Variants in SPTBN2 observed in about 807,000 individuals in gnomAD.
SPTBN2 encodes spectrin beta, non-erythrocytic 2, also known as spectrin beta chain, non-erythrocytic 2.
A neutral mutation model predicts 284.2 loss-of-function variants in SPTBN2; 107 were observed. The observed-to-expected ratio is 0.38, with a 90% confidence interval of 0.32 to 0.44. The LOEUF is 0.44. Among genes scored for constraint, SPTBN2 ranks in the 20% least tolerant of loss-of-function variants. SPTBN2 has a pLI of 1.00. For synonymous variants in SPTBN2, 1,289 were observed against 1,354.8 expected (o/e 0.95, Z 1.07); for missense variants, 2,569 against 3,287.1 (o/e 0.78, Z 5.34).
chr11:66,697,438 T>C (rs1291711141), intron 20 of SPTBN2, among the ~76,000 whole-genome samples: 1 of 152,156 alleles, frequency 6.6e-6, no homozygotes, highest in Non-Finnish European at 1.5e-5. Flanking sequence ...ACGCATGTGG[T>C]GGTCAGGACT....
intron 30 of SPTBN2, 69 bp downstream of exon 30, chr11:66,689,027 C>T (rs1940350085): frequency 3.3e-6 from 5 of 1,530,892 alleles, no homozygotes; most frequent in Admixed American, 1.9e-5. Context: ...GTCTCACCTA[C>T]TCTGGAACCC....
intron 19 of SPTBN2, 88 bp downstream of exon 19, chr11:66,698,904 G>A (rs1941087600): frequency 1.3e-6 from 2 of 1,598,686 alleles, no homozygotes; most frequent in Non-Finnish European, 1.7e-6. Context: ...GGGGCTCACA[G>A]TCTCCGGTAC....
Position 66,705,246 on chromosome 11 carries a change from A to G in SPTBN2, c.2030T>C (p.Leu677Pro). 2 of 1,570,948 alleles carry G rather than the reference A, an allele frequency of 1.3e-6. No individual in the cohort carries two copies. Among genetic ancestry groups the G allele is most frequent in the Non-Finnish European group, 1.7e-6 (2 of 1,164,418 alleles). Reference sequence around the variant, plus strand: ...GGCTGTGTGCTTGTTGAGCAGGCGGAGGGCACCGGTCAGGTCTCGGCCCGT... The same window carrying G: ...GGCTGTGTGCTTGTTGAGCAGGCGGGGGGCACCGGTCAGGTCTCGGCCCGT... Reference protein sequence around the residue: ...ADTGRDLTGALRLLNKHTALR... With the variant: ...ADTGRDLTGAPRLLNKHTALR... The change falls in exon 15 of 38, where the codon CTC becomes CCC. Residue 677 changes from leucine (L) to proline (P), a missense_variant. Leu to Pro is a moderately conservative substitution (Grantham distance 98). Transcript: ENST00000533211.
At chr11:66,742,261 T>C (rs1942900416) in intron 1 of SPTBN2, among the ~76,000 whole-genome samples, 1 of 152,204 alleles carries the variant, frequency 6.6e-6, no homozygotes, top group Admixed American at 6.5e-5. Flanking sequence ...CAGAGTGGAT[T>C]CTCACCATAT....
At chr11:66,720,774 C>T (rs1433395553) in intron 3 of SPTBN2, among the ~76,000 whole-genome samples, 3 of 152,008 alleles carry the variant, frequency 2.0e-5, no homozygotes, top group South Asian at 2.1e-4. Flanking sequence ...GTGGCAAGAG[C>T]GAGAGTGCCG....
intron 31 of SPTBN2, 77 bp downstream of exon 31, chr11:66,688,576 A>G (rs1590909525): frequency 1.3e-6 from 2 of 1,576,268 alleles, no homozygotes; most frequent in East Asian, 4.6e-5. Context: ...GAGAGAAGAC[A>G]TGTCTTCTCC....
intron 15 of SPTBN2, 44 bp downstream of exon 15, chr11:66,704,554 C>T (rs1302735871): frequency 6.4e-7 from 1 of 1,573,894 alleles, no homozygotes; most frequent in Admixed American, 1.8e-5. Context: ...CCCCCCCACC[C>T]CCACCTCCCA....
At position 66,684,628 on chromosome 11, in the gene SPTBN2, C is replaced by G. The variant is rs1939994002; in HGVS notation, c.*1243G>C. On this transcript the variant is annotated 3_prime_UTR_variant, in exon 38 of 38. Coordinates refer to ENST00000533211, the MANE Select transcript of SPTBN2 (RefSeq NM_006946.4). ...CCAGCTTGGCTGACAGAGTGAGACT[C>G]TGTCTCAAAAAAAAAAAAAAAAAAG... Among the ~76,000 whole-genome samples, 1 of 140,178 alleles carries G rather than the reference C, an allele frequency of 7.1e-6. No homozygotes were observed. Among genetic ancestry groups the G allele is most frequent in the African/African-American group, 2.7e-5 (1 of 36,850 alleles). 92.0% of individuals were successfully genotyped at this position (140,178 alleles called of 152,430 possible). A position where few individuals can be genotyped will look rare whatever the true frequency, so the allele number is the denominator to read the frequency against.
chr11:66,697,715 T>A (rs949811426), intron 20 of SPTBN2, among the ~76,000 whole-genome samples: 6 of 152,194 alleles, frequency 3.9e-5, no homozygotes, highest in East Asian at 1.9e-4. Flanking sequence ...GGGGCCACTC[T>A]CACAGCACTC....
At chr11:66,703,870 G>C (rs1345078313) in intron 15 of SPTBN2, among the ~76,000 whole-genome samples, 1 of 151,756 alleles carries the variant, frequency 6.6e-6, no homozygotes, top group African/African-American at 2.4e-5. Context: ...TAGTGTCTCT[G>C]TCTAAAAGGT....
intron 1 of SPTBN2, among the ~76,000 whole-genome samples, chr11:66,741,560 A>C (rs997274906): frequency 6.6e-6 from 1 of 152,194 alleles, no homozygotes; most frequent in Non-Finnish European, 1.5e-5. Flanking sequence ...ACCCAGTCTA[A>C]GGACTGGAAA....
At position 66,708,654 on chromosome 11, in the gene SPTBN2, G is replaced by T. The variant is rs1303347852; in HGVS notation, c.1191+248C>A. Reference sequence around the variant, plus strand: ...AGGTTTAACAAGCTGAGGAACTTGGGGCATAATTTCCTTATGTGACCTCGT... The same window carrying T: ...AGGTTTAACAAGCTGAGGAACTTGGTGCATAATTTCCTTATGTGACCTCGT... On this transcript the variant is annotated intron_variant, in intron 11 of 37. Coordinates refer to ENST00000533211, the MANE Select transcript of SPTBN2 (RefSeq NM_006946.4). This position sits in a 1 kb window ranked among gnomAD's most constrained non-coding sequence, Gnocchi z 4.4. Among the ~76,000 whole-genome samples, 1 of 152,190 alleles carries T rather than the reference G, an allele frequency of 6.6e-6. No homozygotes were observed. The highest frequency in any genetic ancestry group is 1.5e-5 in the Non-Finnish European group (1 of 68,044).
At chr11:66,690,443 G>T in intron 27 of SPTBN2, 160 bp from the exon 28 acceptor site, 1 of 1,010,892 alleles carries the variant, frequency 9.9e-7, no homozygotes, top group Non-Finnish European at 1.4e-6. Context: ...GAAGGCAGGG[G>T]CTGGCCACAC....
intron 25 of SPTBN2, 96 bp from the exon 26 acceptor site, chr11:66,692,836 A>G (rs1313315246): frequency 7.5e-6 from 12 of 1,596,210 alleles, no homozygotes; most frequent in Non-Finnish European, 1.0e-5. Context: ...GTCTCCCAAC[A>G]GCTCGCCCAC....
At position 66,708,209 on chromosome 11, in the gene SPTBN2, C is replaced by T. The variant is rs372390933; in HGVS notation, c.1282G>A (p.Ala428Thr). ...IRQEKLEQLA[A>T]RFDRKAAMRE... ...ATGGCAGCCTTGCGGTCGAAGCGGGCGGCCAGCTGCTCCAGCTTCTCCTGG... is the reference window on the plus strand; with the variant it reads ...ATGGCAGCCTTGCGGTCGAAGCGGGTGGCCAGCTGCTCCAGCTTCTCCTGG... The change falls in exon 12 of 38, where the codon GCC (alanine) becomes ACC (threonine). Residue 428 changes from alanine to threonine, a missense_variant. Ala to Thr is a moderately conservative substitution (Grantham distance 58, BLOSUM62 0). Coordinates refer to ENST00000533211, the MANE Select transcript of SPTBN2 (RefSeq NM_006946.4). This position sits in a 1 kb window ranked among gnomAD's most constrained non-coding sequence, Gnocchi z 4.4. 11 of 1,611,920 alleles carry T rather than the reference C, an allele frequency of 6.8e-6. No individual in the cohort carries two copies. The highest frequency in any genetic ancestry group is 2.2e-5 in the East Asian group (1 of 44,856).
In SPTBN2 at chr11:66,710,603, C is replaced by T. The variant is rs541484241; in HGVS notation, c.1052G>A (p.Arg351His). The change falls in exon 10 of 38, where the codon CGC becomes CAC. Residue 351 changes from arginine (R) to histidine (H), a missense_variant. Physicochemically the swap from Arg to His is conservative, Grantham distance 29 (BLOSUM62 0). Coordinates refer to ENST00000533211, the MANE Select transcript of SPTBN2 (RefSeq NM_006946.4). The surrounding 1 kb of genome is among the most constrained non-coding windows in gnomAD (Gnocchi z 4.9). ...QNQLQSFNSY[R>H]TVEKPPKFTE... ...CTACTTGGGCGGCTTCTCCACGGTG[C>T]GGTAGGAGTTGAAGGACTGCAGCTG... is the stretch of plus-strand genomic sequence containing the variant. The T allele has an allele frequency of 8.1e-6, 13 of 1,613,812 alleles. No individual in the cohort carries two copies. Among genetic ancestry groups the T allele is most frequent in the Admixed American group, 1.7e-5 (1 of 59,964 alleles).
upstream of SPTBN2, among the ~76,000 whole-genome samples, chr11:66,733,919 A>G (rs970760775): frequency 2.7e-5 from 4 of 149,064 alleles, no homozygotes; most frequent in East Asian, 4.0e-4. Flanking sequence ...CAGAGCTTGC[A>G]GTGAGCCGAG....
At chr11:66,735,050 G>T (rs1423663675) in intron 1 of SPTBN2, among the ~76,000 whole-genome samples, 2 of 152,118 alleles carry the variant, frequency 1.3e-5, no homozygotes, top group Non-Finnish European at 2.9e-5. Flanking sequence ...CTACAGCAGA[G>T]AGCTGGGCAC....
Position 66,707,681 on chromosome 11 carries a change from G to A in SPTBN2, c.1488C>T (p.Tyr496=), listed in dbSNP as rs1272545212. The change falls in exon 13 of 38, where the codon TAC becomes TAT. Residue 496 remains tyrosine, a synonymous_variant. Transcript: ENST00000533211. The surrounding 1 kb of genome is among the most constrained non-coding windows in gnomAD (Gnocchi z 4.9). The part of the protein sequence containing the change: ...AVAAELAAER[Y]HDIKRIAARQ... ...GAGCGGCGATGCGCTTGATGTCGTG[G>A]TAGCGCTCGGCGGCCAGCTCTGCAG... 2 of 1,606,110 alleles carry A rather than the reference G, an allele frequency of 1.2e-6. No individual in the cohort carries two copies. The highest frequency in any genetic ancestry group is 1.1e-5 in the South Asian group (1 of 91,044).
Sources: allele counts gnomAD v4.1 joint callset (sites outside exome capture counted in the v4.1 genomes callset), GRCh38; gene constraint gnomAD v4.1.1; non-coding constraint Gnocchi (gnomAD v3.1); transcripts MANE v1.5; gene names NCBI Gene and HGNC (gene_info 2026-07-23, HGNC 2026-07-21).